SLC26A8: variants seen among roughly 807,000 people sequenced by gnomAD.
The protein encoded by SLC26A8 is testis anion transporter 1.
SLC26A8 carries 70 observed loss-of-function variants against 105.0 expected under a neutral mutation model. That is an observed-to-expected ratio of 0.67 (90% confidence interval 0.55 to 0.81). The LOEUF (loss-of-function observed/expected upper bound fraction) is 0.81, where lower values mean the gene tolerates loss of function less well. Among genes scored for constraint, SLC26A8 ranks in the 40% least tolerant of loss-of-function variants. The probability of loss-of-function intolerance (pLI) is 0.00; values close to 1 mark genes in which losing one functional copy is unlikely to be tolerated. For synonymous variants in SLC26A8, 415 were observed against 438.3 expected (o/e 0.95, Z 0.66); for missense variants, 998 against 1,181.8 (o/e 0.84, Z 2.28).
chr6:35,969,064 T>A (rs970108621), intron 10 of SLC26A8, 110 bp from the exon 11 acceptor site: 2 of 868,040 alleles, frequency 2.3e-6, no homozygotes, highest in Admixed American at 4.2e-5. Flanking sequence ...TTAAAAGGAG[T>A]TGAGTTCAGT....
chr6:35,950,069 T>C (rs1193983906), intron 19 of SLC26A8, among the ~76,000 whole-genome samples: 1 of 152,170 alleles, frequency 6.6e-6, no homozygotes, highest in Non-Finnish European at 1.5e-5. Flanking sequence ...AGTGCTGGGA[T>C]TACAGGCGTG....
At chr6:35,987,980 T>A (rs1306442988) in intron 7 of SLC26A8, among the ~76,000 whole-genome samples, 1 of 150,300 alleles carries the variant, frequency 6.7e-6, no homozygotes, top group Non-Finnish European at 1.5e-5. Flanking sequence ...GGCATGATCT[T>A]GGCTCACTGC....
intron 5 of SLC26A8, among the ~76,000 whole-genome samples, chr6:35,996,272 G>A (rs1761349000): frequency 6.6e-6 from 1 of 152,140 alleles, no homozygotes; most frequent in African/African-American, 2.4e-5. Context: ...AGTCCCAGGG[G>A]AGATCAGTGA....
chr6:36,002,045 A>G (rs1332735837), intron 3 of SLC26A8, among the ~76,000 whole-genome samples: 2 of 152,214 alleles, frequency 1.3e-5, no homozygotes, highest in African/African-American at 4.8e-5. Context: ...ACATTGGTTG[A>G]TATGTCTCTT....
At position 35,997,725 on chromosome 6, in the gene SLC26A8, A is replaced by T. The variant is rs371400375; in HGVS notation, c.627+13T>A. ...TCAGTTCCTTTTCAGGGATTTGAAG[A>T]CTCAGATCCTACCTGAATAATCCCA... On this transcript the variant is annotated intron_variant, in intron 5 of 19. Coordinates refer to ENST00000490799, the MANE Select transcript of SLC26A8 (RefSeq NM_052961.4). The T allele has an allele frequency of 6.2e-7, 1 of 1,612,302 alleles. No homozygotes were observed. The highest frequency in any genetic ancestry group is 1.1e-5 in the South Asian group (1 of 90,970).
chr6:35,944,615 G>A (rs1771604329), intron 19 of SLC26A8, among the ~76,000 whole-genome samples: 1 of 151,514 alleles, frequency 6.6e-6, no homozygotes, highest in Non-Finnish European at 1.5e-5. Flanking sequence ...TACTCAGGAG[G>A]CTGAGGCAGG....
intron 2 of SLC26A8, among the ~76,000 whole-genome samples, chr6:36,017,369 C>T (rs887341549): frequency 1.2e-4 from 18 of 152,050 alleles, no homozygotes; most frequent in Admixed American, 8.5e-4. Flanking sequence ...CGGTGGCTCA[C>T]GTCTGTAATC....
chr6:35,982,871 C>T (rs1427382174), intron 7 of SLC26A8, among the ~76,000 whole-genome samples: 3 of 152,168 alleles, frequency 2.0e-5, no homozygotes, highest in Non-Finnish European at 4.4e-5. Flanking sequence ...AAAGCAACTA[C>T]CTGCTTTTCC....
At chr6:35,971,302 A>T (rs575912208) in intron 10 of SLC26A8, among the ~76,000 whole-genome samples, 2 of 152,256 alleles carry the variant, frequency 1.3e-5, no homozygotes, top group East Asian at 3.9e-4. Flanking sequence ...CATGTTTTAC[A>T]TCTCATGCAT....
intron 11 of SLC26A8, among the ~76,000 whole-genome samples, chr6:35,966,946 G>C (rs943151292): frequency 2.0e-5 from 3 of 152,128 alleles, no homozygotes; most frequent in Non-Finnish European, 4.4e-5. Flanking sequence ...ATTTTTGTTT[G>C]TTTGGAATTT....
At chr6:36,004,865 C>A (rs1761641679) in intron 3 of SLC26A8, among the ~76,000 whole-genome samples, 1 of 146,296 alleles carries the variant, frequency 6.8e-6, no homozygotes, top group African/African-American at 2.5e-5. Context: ...AGGGTTTCAC[C>A]ATGTTGCCCA....
intron 11 of SLC26A8, among the ~76,000 whole-genome samples, chr6:35,963,746 C>G (rs1173191585): frequency 2.0e-5 from 3 of 152,164 alleles, no homozygotes; most frequent in Non-Finnish European, 4.4e-5. Flanking sequence ...TATCTGTTAC[C>G]TACCTTATCT....
At chr6:35,972,142 A>G (rs2127316424) in intron 10 of SLC26A8, among the ~76,000 whole-genome samples, 1 of 152,366 alleles carries the variant, frequency 6.6e-6, no homozygotes, top group Middle Eastern at 3.4e-3. Context: ...TATGCCAGAT[A>G]AAAAATAAAA....
At chr6:35,953,374 C>T (rs1581625320) in intron 17 of SLC26A8, among the ~76,000 whole-genome samples, 1 of 150,528 alleles carries the variant, frequency 6.6e-6, no homozygotes, top group Non-Finnish European at 1.5e-5. Context: ...GATATAAAGT[C>T]AGATACTTAA....
intron 3 of SLC26A8, among the ~76,000 whole-genome samples, chr6:36,003,414 G>C (rs1482705349): frequency 6.6e-6 from 1 of 152,040 alleles, no homozygotes; most frequent in Non-Finnish European, 1.5e-5. Flanking sequence ...ATATTGTACT[G>C]TGTTAATTGC....
chr6:35,999,930 A>G, intron 4 of SLC26A8, 62 bp downstream of exon 4: 1 of 1,138,240 alleles, frequency 8.8e-7, no homozygotes, highest in Non-Finnish European at 1.3e-6. Context: ...TACCTTAGCA[A>G]TAAGTATATG....
chr6:35,949,688 C>T (rs1262188465), intron 19 of SLC26A8, among the ~76,000 whole-genome samples: 2 of 151,854 alleles, frequency 1.3e-5, no homozygotes, highest in Admixed American at 1.3e-4. Flanking sequence ...GAGAAACTTC[C>T]ATTTATAGTA....
intron 10 of SLC26A8, among the ~76,000 whole-genome samples, chr6:35,974,605 G>A (rs1055412934): frequency 3.9e-5 from 6 of 152,178 alleles, no homozygotes; most frequent in Admixed American, 3.9e-4. Flanking sequence ...TTTTGAAGAA[G>A]CCAGGAAAAT....
At chr6:36,008,508 G>T (rs571926941) in intron 3 of SLC26A8, among the ~76,000 whole-genome samples, 11 of 152,238 alleles carry the variant, frequency 7.2e-5, no homozygotes, top group Non-Finnish European at 1.3e-4. Context: ...GTACTTCTTA[G>T]AATGGCTAAA....
Sources: allele counts gnomAD v4.1 joint callset (sites outside exome capture counted in the v4.1 genomes callset), GRCh38; gene constraint gnomAD v4.1.1; transcripts MANE v1.5; gene names NCBI Gene and HGNC (gene_info 2026-07-23, HGNC 2026-07-21).